Variants in ABHD3 observed in about 807,000 individuals in gnomAD.
ABHD3 encodes the protein abhydrolase domain containing 3, phospholipase, also known as phospholipase ABHD3.
ABHD3 carries 46 observed loss-of-function variants against 48.8 expected under a neutral mutation model. The ratio of observed to expected loss-of-function variants is 0.94; its 90% CI spans 0.74 to 1.20. The LOEUF (loss-of-function observed/expected upper bound fraction) is 1.20, where lower values mean the gene tolerates loss of function less well. Among genes scored for constraint, ABHD3 ranks in the 50% most tolerant of loss-of-function variants. ABHD3 has a pLI of 0.00. For missense variants in ABHD3, 490 were observed against 497.8 expected (o/e 0.98, Z 0.15); for synonymous variants, 192 against 183.7 (o/e 1.04, Z -0.36).
At chr18:21,658,924 C>T (rs1165303338) in intron 6 of ABHD3, among the ~76,000 whole-genome samples, 2 of 151,576 alleles carry the variant, frequency 1.3e-5, no homozygotes, top group East Asian at 1.9e-4. Flanking sequence ...CTGCAACCTC[C>T]GCCTCCTGGG....
chr18:21,668,535 G>A (rs1230073499), intron 4 of ABHD3, among the ~76,000 whole-genome samples: 2 of 152,134 alleles, frequency 1.3e-5, no homozygotes, highest in African/African-American at 2.4e-5. Flanking sequence ...AAGGACCATA[G>A]ATGTCACTTG....
At chr18:21,694,282 G>C (rs187149954) in intron 3 of ABHD3, among the ~76,000 whole-genome samples, 252 of 152,000 alleles carry the variant, frequency 1.7e-3, no homozygotes, top group Admixed American at 3.5e-3. Context: ...TTTTTAGTAG[G>C]GATGGGGTTT....
chr18:21,693,581 T>C (rs2040301736), intron 3 of ABHD3, among the ~76,000 whole-genome samples: 1 of 152,228 alleles, frequency 6.6e-6, no homozygotes, highest in South Asian at 2.1e-4. Context: ...TGAGGTGCCA[T>C]GTTGCAGTGG....
intron 4 of ABHD3, among the ~76,000 whole-genome samples, chr18:21,683,249 C>T (rs777640874): frequency 2.6e-5 from 4 of 151,958 alleles, no homozygotes; most frequent in Admixed American, 1.3e-4. Context: ...TTCCAACTCA[C>T]GGATTTAAAG....
chr18:21,671,828 G>A (rs1275824217), intron 4 of ABHD3, among the ~76,000 whole-genome samples: 1 of 152,068 alleles, frequency 6.6e-6, no homozygotes, highest in Non-Finnish European at 1.5e-5. Context: ...ATAGAAATGA[G>A]GTCTCACTAT....
intron 4 of ABHD3, 48 bp downstream of exon 4, chr18:21,683,872 A>C: frequency 6.7e-7 from 1 of 1,502,066 alleles, no homozygotes; most frequent in Non-Finnish European, 9.0e-7. Context: ...ATAAAACTAG[A>C]AATGATTCTT....
intron 5 of ABHD3, chr18:21,663,751 T>A (rs1008987299): frequency 8.9e-5 from 137 of 1,535,388 alleles, no homozygotes; most frequent in Non-Finnish European, 1.1e-4. Context: ...ACTGGAGTGA[T>A]GAAAGTCATG....
intron 4 of ABHD3, among the ~76,000 whole-genome samples, chr18:21,674,558 A>G (rs900418226): frequency 6.6e-6 from 1 of 152,012 alleles, no homozygotes; most frequent in Non-Finnish European, 1.5e-5. Flanking sequence ...ACAATCTTCT[A>G]CGTTTAAAAT....
chr18:21,656,519 A>C (rs1209809092), intron 8 of ABHD3, among the ~76,000 whole-genome samples: 2 of 152,226 alleles, frequency 1.3e-5, no homozygotes, highest in Non-Finnish European at 2.9e-5. Context: ...CTTTATAGGA[A>C]TCTCAGGAAG....
At chr18:21,698,575 G>A (rs1239287345) in intron 3 of ABHD3, among the ~76,000 whole-genome samples, 1 of 151,942 alleles carries the variant, frequency 6.6e-6, no homozygotes, top group Non-Finnish European at 1.5e-5. Context: ...TTAAGACAGA[G>A]TCTTGCTCTG....
rs200769908 is a variant in ABHD3 at position 21,664,175 on chromosome 18, T to C, written c.611A>G (p.His204Arg). 34 of 1,614,006 alleles carry C rather than the reference T, an allele frequency of 2.1e-5. No homozygotes were observed. The highest frequency in any genetic ancestry group is 2.8e-5 in the Non-Finnish European group (33 of 1,180,024). Residue 204 changes from histidine to arginine, a missense_variant, in exon 5 of 9, where the codon CAT (histidine) becomes CGT (arginine). Coordinates refer to ENST00000289119, the MANE Select transcript of ABHD3 (RefSeq NM_138340.5). ...AGCAGAAGGGTACAGGCTGTGTACA[T>C]GGTGAATAACTGTCTCCAAGTCTTC... Reference protein sequence around the residue: ...NTEDLETVIHHVHSLYPSAPF... With the variant: ...NTEDLETVIHRVHSLYPSAPF...
At chr18:21,700,143 G>A (rs2040475331) in intron 3 of ABHD3, among the ~76,000 whole-genome samples, 1 of 152,128 alleles carries the variant, frequency 6.6e-6, no homozygotes, top group Non-Finnish European at 1.5e-5. Context: ...AGGCTGGAGT[G>A]CAGTGGTGCC....
chr18:21,704,058 A>AT lies in ABHD3; in HGVS notation c.163-312dup, dbSNP rs2040579053. On this transcript the variant is annotated intron_variant, in intron 1 of 8. Coordinates refer to ENST00000289119, the MANE Select transcript of ABHD3 (RefSeq NM_138340.5). ...AGGCGTCCGCCACCACGCCCGGCTAATTTTTTGTAATTGTAACGGGGTTTC... is the reference window on the plus strand; with the variant it reads ...AGGCGTCCGCCACCACGCCCGGCTAATTTTTTTGTAATTGTAACGGGGTTTC... Among the ~76,000 whole-genome samples the AT allele has an allele frequency of 2.0e-5, 3 of 152,126 alleles. No individual in the cohort carries two copies. In the South Asian group the frequency reaches 6.2e-4, roughly 32 times the overall value.
chr18:21,683,907 T>C lies in ABHD3; in HGVS notation c.555+13A>G, dbSNP rs1328412506. The C allele has an allele frequency of 2.5e-6, 4 of 1,584,732 alleles. No individual in the cohort carries two copies. The highest frequency in any genetic ancestry group is 1.8e-5 in the Admixed American group (1 of 57,062). Reference sequence around the variant, plus strand: ...TTAAAAAGTTAAGACTGTTGTCATTTAAATTTACTTACCAAGAGATTCTCC... The same window carrying C: ...TTAAAAAGTTAAGACTGTTGTCATTCAAATTTACTTACCAAGAGATTCTCC... On this transcript the variant is annotated intron_variant, in intron 4 of 8. Transcript: ENST00000289119.
chr18:21,651,886 A>G, intron 8 of ABHD3, 123 bp from the exon 9 acceptor site: 1 of 815,428 alleles, frequency 1.2e-6, no homozygotes, highest in Non-Finnish European at 1.8e-6. Context: ...TCAAAACACC[A>G]TTATATAAAT....
chr18:21,678,003 T>A (rs1463717513), intron 4 of ABHD3, among the ~76,000 whole-genome samples: 1 of 151,760 alleles, frequency 6.6e-6, no homozygotes, highest in Non-Finnish European at 1.5e-5. Flanking sequence ...TTGCCCAAGC[T>A]GGAGTGCAAT....
intron 4 of ABHD3, among the ~76,000 whole-genome samples, chr18:21,679,184 G>A (rs1005136733): frequency 6.6e-6 from 1 of 152,068 alleles, no homozygotes; most frequent in African/African-American, 2.4e-5. Flanking sequence ...AATTATTTCT[G>A]GAACAAGGTG....
intron 8 of ABHD3, among the ~76,000 whole-genome samples, chr18:21,652,416 A>G (rs2039244645): frequency 6.6e-6 from 1 of 152,082 alleles, no homozygotes; most frequent in Admixed American, 6.6e-5. Context: ...AGAGAAAGAC[A>G]AAAAGAAGAA....
At position 21,694,827 on chromosome 18, in the gene ABHD3, G is replaced by A. The variant is rs115262680; in HGVS notation, c.509+7489C>T. Among the ~76,000 whole-genome samples, 224 of 151,994 alleles carry A rather than the reference G, an allele frequency of 1.5e-3. 3 individuals carry two copies. Among genetic ancestry groups the A allele is most frequent in the African/African-American group, 5.2e-3 (214 of 41,452 alleles). ...TTTATTCATCCTCCTTCTCCTTTAA[G>A]TTGTATGTGACACCGCTGATCTACT... On this transcript the variant is annotated intron_variant, in intron 3 of 8. Transcript: ENST00000289119.
Sources: allele counts gnomAD v4.1 joint callset (sites outside exome capture counted in the v4.1 genomes callset), GRCh38; gene constraint gnomAD v4.1.1; transcripts MANE v1.5; gene names NCBI Gene and HGNC (gene_info 2026-07-23, HGNC 2026-07-21).